CRY1: variants seen among roughly 807,000 people sequenced by gnomAD.
CRY1 encodes the protein cryptochrome-1.
A neutral mutation model predicts 76.0 loss-of-function variants in CRY1; 45 were observed. That is an observed-to-expected ratio of 0.59 (90% CI 0.47 to 0.76). The LOEUF is 0.76. Ranked by LOEUF, CRY1 falls within the 30% of genes least tolerant of loss-of-function variation. The pLI is 0.00. For synonymous variants in CRY1, 248 were observed against 244.0 expected (o/e 1.02, Z -0.15); for missense variants, 587 against 716.4 (o/e 0.82, Z 2.06).
intron 1 of CRY1, among the ~76,000 whole-genome samples, chr12:107,057,426 G>A (rs1330309452): frequency 2.0e-5 from 3 of 152,190 alleles, no homozygotes; most frequent in Admixed American, 2.0e-4. Flanking sequence ...TGAGTAAAAC[G>A]AGCGGAATCT....
At chr12:107,025,408 A>C (rs1952596720) in intron 1 of CRY1, among the ~76,000 whole-genome samples, 1 of 152,194 alleles carries the variant, frequency 6.6e-6, no homozygotes, top group Non-Finnish European at 1.5e-5. Flanking sequence ...TCTATCAACA[A>C]ATTACTATCC....
At chr12:107,037,910 T>C (rs1180556823) in intron 1 of CRY1, among the ~76,000 whole-genome samples, 1 of 152,112 alleles carries the variant, frequency 6.6e-6, no homozygotes, top group African/African-American at 2.4e-5. Context: ...GGTCTCACTA[T>C]GTTGCCAAGG....
Position 107,083,642 on chromosome 12 carries a change from C to T in CRY1, c.158+9162G>A, listed in dbSNP as rs181729994. On this transcript the variant is annotated intron_variant, in intron 1 of 12. Transcript: ENST00000008527. ...AAAGGCCTTGGACAAAATTCAACACCGCTTCATGCTAAAAACTCTCAATAA... is the reference window on the plus strand; with the variant it reads ...AAAGGCCTTGGACAAAATTCAACACTGCTTCATGCTAAAAACTCTCAATAA... Among the ~76,000 whole-genome samples the T allele has an allele frequency of 6.4e-4, 97 of 152,196 alleles. No individual in the cohort carries two copies. In the East Asian group the frequency reaches 0.013, roughly 21 times the overall value.
In CRY1 at chr12:107,092,854, G is replaced by C. The variant is rs770819741; in HGVS notation, c.108C>G (p.Ile36Met). 1.2e-6 allele frequency: 2 copies of C among 1,611,446 alleles called. No homozygotes were observed. The highest frequency in any genetic ancestry group is 1.7e-6 in the Non-Finnish European group (2 of 1,179,738). ...QGADTIRCVY[I>M]LDPWFAGSSN... The stretch of plus-strand genomic sequence containing the variant: ...AGGAGCCGGCGAACCAGGGGTCCAG[G>C]ATGTAGACGCAGCGGATGGTGTCGG... Residue 36 changes from isoleucine (I) to methionine (M), a missense_variant, in exon 1 of 13, where the codon ATC becomes ATG. Ile to Met is a conservative substitution (Grantham distance 10). Transcript: ENST00000008527.
chr12:107,001,901 A>G lies in CRY1; in HGVS notation c.458T>C (p.Phe153Ser). ...TTCCATTTTGCTGATGAGAGTCTGG[A>G]ATCTTTTATAAGTTAGAGGCGGTTG... ...GGQPPLTYKR[F>S]QTLISKMEPL... Residue 153 changes from phenylalanine to serine, a missense_variant, in exon 4 of 13, where the codon TTC (phenylalanine) becomes TCC (serine). Phe to Ser is a radical substitution (Grantham distance 155). Coordinates refer to ENST00000008527, the MANE Select transcript of CRY1 (RefSeq NM_004075.5). 6.3e-7 allele frequency: 1 copy of G among 1,599,292 alleles called. No individual in the cohort carries two copies. The highest frequency in any genetic ancestry group is 8.5e-7 in the Non-Finnish European group (1 of 1,176,052).
At chr12:107,008,119 T>A (rs1375840346) in intron 2 of CRY1, among the ~76,000 whole-genome samples, 1 of 152,072 alleles carries the variant, frequency 6.6e-6, no homozygotes, top group Admixed American at 6.6e-5. Flanking sequence ...ATAAAACGTA[T>A]CACATAGAAG....
intron 1 of CRY1, among the ~76,000 whole-genome samples, chr12:107,045,346 C>T (rs1332620333): frequency 6.6e-6 from 1 of 152,178 alleles, no homozygotes; most frequent in African/African-American, 2.4e-5. Flanking sequence ...TTTATCACCA[C>T]TAGATAAGGC....
chr12:107,017,339 C>T (rs1040520529), intron 2 of CRY1, among the ~76,000 whole-genome samples: 3 of 152,256 alleles, frequency 2.0e-5, no homozygotes, highest in Non-Finnish European at 4.4e-5. Context: ...TTTCCTCTGC[C>T]TTCCATGCTC....
chr12:107,072,139 C>T (rs944365738), intron 1 of CRY1, among the ~76,000 whole-genome samples: 2 of 151,836 alleles, frequency 1.3e-5, no homozygotes, highest in African/African-American at 2.4e-5. Flanking sequence ...TTGTTCCTTT[C>T]TGCATATGTG....
At chr12:107,010,441 T>C (rs1167248971) in intron 2 of CRY1, among the ~76,000 whole-genome samples, 2 of 152,218 alleles carry the variant, frequency 1.3e-5, no homozygotes, top group African/African-American at 4.8e-5. Flanking sequence ...TTCTCAGATA[T>C]TGTGCATTTT....
In CRY1 at chr12:106,997,618, G is replaced by T; in HGVS notation, c.1362C>A (p.Ile454=). The T allele has an allele frequency of 6.2e-7, 1 of 1,614,034 alleles. No homozygotes were observed. ...CTATCAAACATTTGGCTACCTTTTG[G>T]ATACCTTCTGGTGCATTCCAGGGAT... The part of the protein sequence containing the change: ...IYDPWNAPEG[I]QKVAKCLIGV... Residue 454 remains isoleucine (I), a synonymous_variant, in exon 9 of 13, where the codon ATC becomes ATA. Transcript: ENST00000008527.
At chr12:107,092,040 C>G (rs1036072682) in intron 1 of CRY1, among the ~76,000 whole-genome samples, 1 of 152,190 alleles carries the variant, frequency 6.6e-6, no homozygotes, top group Non-Finnish European at 1.5e-5. Context: ...GTCTTTCACT[C>G]ACTGCTATAT....
intron 1 of CRY1, among the ~76,000 whole-genome samples, chr12:107,058,760 G>A (rs1450312578): frequency 6.6e-6 from 1 of 152,190 alleles, no homozygotes; most frequent in African/African-American, 2.4e-5. Flanking sequence ...TTAACTGGAT[G>A]AATTGTAGCC....
chr12:107,021,086 C>T (rs957834667), intron 2 of CRY1, among the ~76,000 whole-genome samples: 21 of 152,258 alleles, frequency 1.4e-4, no homozygotes, highest in Middle Eastern at 3.4e-3. Context: ...GAGTTCGAGA[C>T]CAGCCTGACC....
chr12:107,077,304 T>C (rs1001674717), intron 1 of CRY1, among the ~76,000 whole-genome samples: 5 of 152,244 alleles, frequency 3.3e-5, no homozygotes, highest in South Asian at 2.1e-4. Context: ...TATGTTCTAA[T>C]TGTCCTTTAG....
At chr12:107,062,218 A>G (rs1031372525) in intron 1 of CRY1, among the ~76,000 whole-genome samples, 32 of 152,100 alleles carry the variant, frequency 2.1e-4, no homozygotes, top group African/African-American at 7.0e-4. Context: ...AAAAACTTAC[A>G]TGAGCACCTT....
At chr12:106,995,751 C>T (rs187905911) in intron 10 of CRY1, among the ~76,000 whole-genome samples, 4 of 152,236 alleles carry the variant, frequency 2.6e-5, no homozygotes, top group African/African-American at 7.2e-5. Context: ...CAGATCAACC[C>T]ATCACCTAGG....
chr12:107,003,495 A>AGT (rs1167030200), intron 3 of CRY1, among the ~76,000 whole-genome samples: 1 of 152,192 alleles, frequency 6.6e-6, no homozygotes, highest in Non-Finnish European at 1.5e-5. Flanking sequence ...AGTGTATTTT[A>AGT]GTGTATTTTT....
chr12:107,042,857 G>T (rs1952813546), intron 1 of CRY1: 2 of 152,122 alleles, frequency 1.3e-5, no homozygotes, highest in South Asian at 4.1e-4. Flanking sequence ...TCATGGTGAG[G>T]AGATAAGCAA....
Sources: allele counts gnomAD v4.1 joint callset (sites outside exome capture counted in the v4.1 genomes callset), GRCh38; gene constraint gnomAD v4.1.1; transcripts MANE v1.5; gene names NCBI Gene and HGNC (gene_info 2026-07-23, HGNC 2026-07-21).